Variants in MROH1 observed in about 807,000 individuals in gnomAD.
MROH1 encodes the protein maestro heat like repeat family member 1.
A neutral mutation model predicts 116.5 loss-of-function variants in MROH1; 117 were observed. That is an observed-to-expected ratio of 1.00 (90% CI 0.86 to 1.17). The LOEUF (loss-of-function observed/expected upper bound fraction) is 1.17. MROH1 is among the 50% of genes most tolerant of loss of function. The probability of loss-of-function intolerance (pLI) is 0.00; values close to 1 mark genes in which losing one functional copy is unlikely to be tolerated. For missense variants in MROH1, 1,873 were observed against 1,338.5 expected, an observed-to-expected ratio of 1.40 and a Z score of -6.23; for synonymous variants, 921 against 583.9, an observed-to-expected ratio of 1.58 and a Z score of -8.32.
chr8:144,162,172 C>T (rs1819710028), intron 2 of MROH1, among the ~76,000 whole-genome samples: 1 of 151,330 alleles, frequency 6.6e-6, no homozygotes, highest in Non-Finnish European at 1.5e-5. Flanking sequence ...GCGACCTCCA[C>T]CTCCCGGGTG....
At chr8:144,250,501 A>G in intron 33 of MROH1, 135 bp downstream of exon 33, 1 of 697,116 alleles carries the variant, frequency 1.4e-6, no homozygotes, top group East Asian at 2.7e-5. Flanking sequence ...GCCACGTGGG[A>G]CAGAAAGTGA....
intron 31 of MROH1, among the ~76,000 whole-genome samples, chr8:144,248,112 G>A (rs1011620593): frequency 2.4e-4 from 37 of 152,220 alleles, no homozygotes; most frequent in Non-Finnish European, 4.4e-4. Flanking sequence ...CCTGCAGGGT[G>A]CAGCGGGCTC....
At chr8:144,190,713 G>A (rs1828349327) in intron 7 of MROH1, 71 bp from the exon 8 acceptor site, 3 of 1,563,126 alleles carry the variant, frequency 1.9e-6, no homozygotes, top group African/African-American at 1.4e-5. Context: ...AGGGGCAGGA[G>A]GCAGACATAG....
intron 35 of MROH1, among the ~76,000 whole-genome samples, chr8:144,258,244 G>T (rs1250479358): frequency 6.6e-6 from 1 of 152,178 alleles, no homozygotes; most frequent in African/African-American, 2.4e-5. Flanking sequence ...CGCCCAGGGC[G>T]CCTGCTCTTC....
intron 10 of MROH1, among the ~76,000 whole-genome samples, chr8:144,196,700 G>A (rs1156884201): frequency 6.6e-6 from 1 of 152,014 alleles, no homozygotes; most frequent in Non-Finnish European, 1.5e-5. Context: ...TTATTTTAGG[G>A]AAGGAATGAG....
At chr8:144,250,121 C>T in intron 32 of MROH1, 91 bp from the exon 33 acceptor site, 1 of 706,084 alleles carries the variant, frequency 1.4e-6, no homozygotes, top group Non-Finnish European at 2.6e-6. Context: ...TCATGGGGCT[C>T]CCTCATGGCC....
In MROH1 at chr8:144,223,179, G is replaced by A. The variant is rs1336711199; in HGVS notation, c.1287G>A (p.Glu429=). Reference sequence around the variant, plus strand: ...GCTACCTGGAGCAGCCTGGAGGTGAGGCGATGATCGAGTACATCGTGCAGC... The same window carrying A: ...GCTACCTGGAGCAGCCTGGAGGTGAAGCGATGATCGAGTACATCGTGCAGC... The part of the protein sequence containing the change: ...HHGYLEQPGG[E]AMIEYIVQQC... The change falls in exon 14 of 44, where the codon GAG becomes GAA. Residue 429 remains glutamate (E), a synonymous_variant. Transcript: ENST00000326134. The A allele has an allele frequency of 1.9e-6, 3 of 1,612,198 alleles. No individual in the cohort carries two copies. Among genetic ancestry groups the A allele is most frequent in the East Asian group, 2.2e-5 (1 of 44,830 alleles).
intron 38 of MROH1, 23 bp downstream of exon 38, chr8:144,260,080 TG>T (rs1844718661): frequency 1.4e-6 from 1 of 732,854 alleles, no homozygotes; most frequent in Admixed American, 1.9e-5. Flanking sequence ...CCAGCCCCTC[TG>T]GGTCCCAGGC....
intron 22 of MROH1, 22 bp downstream of exon 22, chr8:144,241,539 G>A: frequency 1.3e-6 from 1 of 777,770 alleles, no homozygotes; most frequent in Non-Finnish European, 2.4e-6. Flanking sequence ...ACCGGTGCAG[G>A]GCTGGGGACG....
At chr8:144,206,099 G>C (rs1832743529) in intron 12 of MROH1, among the ~76,000 whole-genome samples, 1 of 152,206 alleles carries the variant, frequency 6.6e-6, no homozygotes, top group Non-Finnish European at 1.5e-5. Flanking sequence ...GCCCAGGCTG[G>C]AGTGCGGTGG....
At position 144,248,904 on chromosome 8, in the gene MROH1, C is replaced by G. The variant is rs987931802; in HGVS notation, c.3148C>G (p.Gln1050Glu). The G allele has an allele frequency of 5.1e-6, 4 of 778,568 alleles. No homozygotes were observed. The highest frequency in any genetic ancestry group is 9.6e-6 in the Non-Finnish European group (4 of 417,086). The allele number at this position is 778,568 out of a possible 1,614,324, so 48.2% of individuals were successfully genotyped here. A position where few individuals can be genotyped will look rare whatever the true frequency, so the allele number is the denominator to read the frequency against. The change falls in exon 32 of 44, where the codon CAG (glutamine) becomes GAG (glutamate). Residue 1050 changes from glutamine to glutamate, a missense_variant. Transcript: ENST00000326134. ...QIIAKRLPPD[Q>E]LISLLLTMFE... ...TATTGCCAAGCGCCTCCCCCCAGAC[C>G]AGCTCATCAGCCTCTTGCTAACCAT...
At chr8:144,190,115 G>A (rs549528832) in intron 7 of MROH1, among the ~76,000 whole-genome samples, 7 of 152,272 alleles carry the variant, frequency 4.6e-5, no homozygotes, top group East Asian at 1.9e-4. Context: ...AGGCTGCCTC[G>A]CCCCAGTCTG....
At chr8:144,254,569 C>G (rs1169836254) in intron 33 of MROH1, 1 of 521,416 alleles carries the variant, frequency 1.9e-6, no homozygotes, top group African/African-American at 1.9e-5. Flanking sequence ...TGCCCTGGGC[C>G]CTGTGTGTAT....
At position 144,242,494 on chromosome 8, in the gene MROH1, C is replaced by A. The variant is rs1437346922; in HGVS notation, c.2304C>A (p.Ile768=). The A allele has an allele frequency of 2.6e-6, 2 of 780,602 alleles. No individual in the cohort carries two copies. The highest frequency in any genetic ancestry group is 3.4e-5 in the Admixed American group (2 of 59,020). 48.4% of individuals were successfully genotyped at this position (780,602 alleles called of 1,614,324 possible). ...AKVESDILRN[I]CQHFSTKVLG... is the part of the protein sequence containing the mutation. ...TAGAGTCAGACATCCTCCGGAACAT[C>A]TGCCAGCACTTCAGCACCAAGGTGG... is the stretch of plus-strand genomic sequence containing the variant. Residue 768 remains isoleucine, a synonymous_variant, in exon 23 of 44, where the codon ATC becomes ATA. Transcript: ENST00000326134.
rs1841426930 is a variant in MROH1 at position 144,243,892 on chromosome 8, C to T, written c.2505C>T (p.Ser835=). The T allele has an allele frequency of 1.3e-6, 1 of 780,340 alleles. No homozygotes were observed. Among genetic ancestry groups the T allele is most frequent in the Non-Finnish European group, 2.4e-6 (1 of 417,738 alleles). The allele number at this position is 780,340 out of a possible 1,614,324, so 48.3% of individuals were successfully genotyped here. The change falls in exon 26 of 44, where the codon TCC becomes TCT. Residue 835 remains serine, a synonymous_variant. Coordinates refer to ENST00000326134, the MANE Select transcript of MROH1 (RefSeq NM_032450.3). ...MEFIRAEPPD[S]LRTPIRKKAM... is the part of the protein sequence containing the mutation. ...TCATCAGGGCAGAGCCCCCGGACTC[C>T]TTGAGGACACCTATTCGGAAGAAAG...
At chr8:144,231,313 G>C (rs1838840079) in intron 14 of MROH1, among the ~76,000 whole-genome samples, 2 of 151,944 alleles carry the variant, frequency 1.3e-5, no homozygotes, top group South Asian at 2.1e-4. Context: ...CGTTCTCAAT[G>C]AGCTGTTGGG....
intron 14 of MROH1, among the ~76,000 whole-genome samples, chr8:144,236,524 T>G (rs979421921): frequency 0.022 from 3,332 of 152,114 alleles, 111 homozygotes; most frequent in African/African-American, 0.074. Flanking sequence ...GTGGATCACT[T>G]GAAGTCGGGA....
intron 7 of MROH1, among the ~76,000 whole-genome samples, chr8:144,190,179 G>A (rs1009030824): frequency 1.2e-4 from 19 of 152,130 alleles, no homozygotes; most frequent in African/African-American, 2.4e-5. Flanking sequence ...CTTCTTATAA[G>A]GATGTTGTCA....
rs1209897282 is a variant in MROH1, at chr8:144,248,985, A to G, written c.3229A>G (p.Ile1077Val). Residue 1077 changes from isoleucine (I) to valine (V), a missense_variant, in exon 32 of 44, where the codon ATC (isoleucine) becomes GTC (valine). Coordinates refer to ENST00000326134, the MANE Select transcript of MROH1 (RefSeq NM_032450.3). ...KNCSRAATVMINCLLQERGGV... is the reference protein window; with the variant it reads ...KNCSRAATVMVNCLLQERGGV... ...CTGCTCCCGAGCAGCTACCGTCATGATCAACTGCCTGCTGCAGGAGCGGGG... is the reference window on the plus strand; with the variant it reads ...CTGCTCCCGAGCAGCTACCGTCATGGTCAACTGCCTGCTGCAGGAGCGGGG... The G allele has an allele frequency of 1.4e-6, 1 of 731,736 alleles. No individual in the cohort carries two copies. The highest frequency in any genetic ancestry group is 2.5e-6 in the Non-Finnish European group (1 of 392,744). 45.3% of individuals were successfully genotyped at this position (731,736 alleles called of 1,614,324 possible).
Sources: allele counts gnomAD v4.1 joint callset (sites outside exome capture counted in the v4.1 genomes callset), GRCh38; gene constraint gnomAD v4.1.1; transcripts MANE v1.5; gene names NCBI Gene and HGNC (gene_info 2026-07-23, HGNC 2026-07-21).